Variants in PDGFC observed in about 807,000 individuals in gnomAD.
The protein encoded by PDGFC is platelet derived growth factor C.
Under a neutral mutation model 35.5 loss-of-function variants are expected in PDGFC, and 12 were observed. The ratio of observed to expected loss-of-function variants is 0.34; its 90% confidence interval spans 0.22 to 0.55. The LOEUF (loss-of-function observed/expected upper bound fraction) is 0.55, where lower values mean the gene tolerates loss of function less well. PDGFC is among the 20% of genes least tolerant of loss of function. PDGFC has a pLI of 0.91. For missense variants in PDGFC, 322 were observed against 412.4 expected, an observed-to-expected ratio of 0.78 and a Z score of 1.90; for synonymous variants, 159 against 148.8, an observed-to-expected ratio of 1.07 and a Z score of -0.50.
At chr4:156,775,223 A>G (rs1363805159) in intron 3 of PDGFC, among the ~76,000 whole-genome samples, 2 of 152,200 alleles carry the variant, frequency 1.3e-5, no homozygotes, top group Non-Finnish European at 1.5e-5. Context: ...TTAAGCTACT[A>G]TTGATTAAAT....
chr4:156,816,997 C>G (rs181247142), intron 2 of PDGFC, among the ~76,000 whole-genome samples: 12 of 152,244 alleles, frequency 7.9e-5, no homozygotes, highest in Admixed American at 2.6e-4. Flanking sequence ...TTTAACCCTA[C>G]TTGGAAATGT....
At position 156,770,150 on chromosome 4, in the gene PDGFC, TTTAAC is replaced by T. The variant is rs1730655011; in HGVS notation, c.704-2165_704-2161del. 2.6e-5 allele frequency: 4 copies of T among 152,182 alleles called. No individual in the cohort carries two copies. In the Middle Eastern group the frequency reaches 0.014, roughly 518 times the overall value. 9.4% of individuals were successfully genotyped at this position (152,182 alleles called of 1,614,324 possible). On this transcript the variant is annotated intron_variant, in intron 4 of 5. Transcript: ENST00000502773. Reference sequence around the variant, plus strand: ...TACAATGTGAAAATTTAAACACACTTTTAACTTAGCTTCCACTCATTTATCATGTT... The same window carrying T: ...TACAATGTGAAAATTTAAACACACTTTTAGCTTCCACTCATTTATCATGTT...
intron 2 of PDGFC, 36 bp from the exon 3 acceptor site, chr4:156,811,053 T>A: frequency 7.2e-7 from 1 of 1,384,994 alleles, no homozygotes; most frequent in Non-Finnish European, 9.9e-7. Flanking sequence ...CATCATTTCA[T>A]AATCTGTTAT....
At chr4:156,834,547 G>T (rs188122038) in intron 2 of PDGFC, among the ~76,000 whole-genome samples, 1 of 152,268 alleles carries the variant, frequency 6.6e-6, no homozygotes, top group African/African-American at 2.4e-5. Flanking sequence ...CAGATAGAAA[G>T]GTCAAGAAGT....
At chr4:156,900,944 G>A (rs1053107819) in intron 1 of PDGFC, among the ~76,000 whole-genome samples, 4 of 144,798 alleles carry the variant, frequency 2.8e-5, no homozygotes, top group Non-Finnish European at 6.1e-5. Flanking sequence ...AGGGAGGGAG[G>A]GAGGAAGTGA....
chr4:156,868,904 A>G (rs1729911022), intron 1 of PDGFC, among the ~76,000 whole-genome samples: 1 of 152,158 alleles, frequency 6.6e-6, no homozygotes. Flanking sequence ...ATCTATAGCA[A>G]TAGCTCAGAA....
At position 156,971,611 on chromosome 4, in the gene PDGFC, T is replaced by G. The variant is rs2111001469; in HGVS notation, c.-708A>C. On this transcript the variant is annotated 5_prime_UTR_variant, in exon 1 of 6. Transcript: ENST00000502773. Reference sequence around the variant, plus strand: ...GGGTTCGGAGCGCCGCAGCACGGATTCCGGCACCTGGCTTGAGTTTTCCGC... The same window carrying G: ...GGGTTCGGAGCGCCGCAGCACGGATGCCGGCACCTGGCTTGAGTTTTCCGC... 6.6e-6 allele frequency among the ~76,000 whole-genome samples: 1 copy of G among 151,616 alleles called. No individual in the cohort carries two copies. Among genetic ancestry groups the G allele is most frequent in the South Asian group, 2.1e-4 (1 of 4,812 alleles).
chr4:156,827,861 C>T lies in PDGFC; in HGVS notation c.315-16844G>A, dbSNP rs183855302. On this transcript the variant is annotated intron_variant, in intron 2 of 5. Transcript: ENST00000502773. ...CCAATCCATGGCAACCAACTATAAA[C>T]ACCAGTATATGATGAGGTCCTCAAA... is the stretch of plus-strand genomic sequence containing the variant. 2.6e-5 allele frequency among the ~76,000 whole-genome samples: 4 copies of T among 152,268 alleles called. No individual in the cohort carries two copies. In the East Asian group the frequency reaches 7.7e-4, roughly 29 times the overall value.
intron 2 of PDGFC, among the ~76,000 whole-genome samples, chr4:156,843,296 G>A (rs1388888162): frequency 6.6e-6 from 1 of 152,162 alleles, no homozygotes; most frequent in Non-Finnish European, 1.5e-5. Flanking sequence ...ATCTGCTGGT[G>A]CCTTGATCTT....
intron 1 of PDGFC, among the ~76,000 whole-genome samples, chr4:156,903,519 A>G (rs914454068): frequency 9.9e-5 from 15 of 152,082 alleles, no homozygotes; most frequent in Non-Finnish European, 2.2e-4. Context: ...GGTTTCCCCT[A>G]TGAAAATTAG....
rs151310712 is a variant in PDGFC at position 156,777,196 on chromosome 4, A to T, written c.496-4303T>A. Among the ~76,000 whole-genome samples the T allele has an allele frequency of 2.0e-5, 3 of 152,288 alleles. No homozygotes were observed. The East Asian group carries it at 5.8e-4, about 29-fold the overall frequency. Reference sequence around the variant, plus strand: ...TTTACCCTGCTCTTTAAGACATCAAATATCCTAGAAAGGCATGTCTGGCTT... The same window carrying T: ...TTTACCCTGCTCTTTAAGACATCAATTATCCTAGAAAGGCATGTCTGGCTT... On this transcript the variant is annotated intron_variant, in intron 3 of 5. Transcript: ENST00000502773.
chr4:156,855,985 A>G (rs1412490013), intron 1 of PDGFC, among the ~76,000 whole-genome samples: 1 of 152,160 alleles, frequency 6.6e-6, no homozygotes, highest in African/African-American at 2.4e-5. Context: ...ATCTCTCTCC[A>G]TCAATTGCAA....
intron 3 of PDGFC, among the ~76,000 whole-genome samples, chr4:156,778,762 T>C (rs959813309): frequency 2.0e-5 from 3 of 152,276 alleles, no homozygotes; most frequent in African/African-American, 7.2e-5. Context: ...CTTGGACAAA[T>C]ACACACATAT....
chr4:156,936,388 A>G (rs1464080998), intron 1 of PDGFC, among the ~76,000 whole-genome samples: 1 of 152,066 alleles, frequency 6.6e-6, no homozygotes, highest in Non-Finnish European at 1.5e-5. Context: ...CCACCTCTCA[A>G]CTCATTCCTA....
rs555640312 is a variant in PDGFC at position 156,765,637 on chromosome 4, T to A, written c.921+2136A>T. On this transcript the variant is annotated intron_variant, in intron 5 of 5. Transcript: ENST00000502773. ...TGTAAGACTATTATTTCATAAAAAATTAAATATGTAAAAATATAAACAAGA... is the reference window on the plus strand; with the variant it reads ...TGTAAGACTATTATTTCATAAAAAAATAAATATGTAAAAATATAAACAAGA... Among the ~76,000 whole-genome samples the A allele has an allele frequency of 2.1e-4, 32 of 152,204 alleles. No homozygotes were observed. The South Asian group carries it at 6.2e-3, about 30-fold the overall frequency.
chr4:156,949,648 G>T (rs908591617), intron 1 of PDGFC, among the ~76,000 whole-genome samples: 1 of 151,846 alleles, frequency 6.6e-6, no homozygotes, highest in Non-Finnish European at 1.5e-5. Context: ...GTTTGAAAAG[G>T]AATTTCTTCC....
chr4:156,803,817 T>G (rs542194030), intron 3 of PDGFC, among the ~76,000 whole-genome samples: 1 of 152,278 alleles, frequency 6.6e-6, no homozygotes, highest in African/African-American at 2.4e-5. Flanking sequence ...ACTAACAGTA[T>G]CTAACATTGT....
At chr4:156,896,676 AAAT>A (rs1730639789) in intron 1 of PDGFC, among the ~76,000 whole-genome samples, 1 of 152,206 alleles carries the variant, frequency 6.6e-6, no homozygotes, top group Admixed American at 6.5e-5. Flanking sequence ...TAAGAGGTGA[AAAT>A]AGAGAGGAAA....
intron 3 of PDGFC, among the ~76,000 whole-genome samples, chr4:156,802,673 C>T (rs953712749): frequency 6.6e-6 from 1 of 152,014 alleles, no homozygotes; most frequent in African/African-American, 2.4e-5. Flanking sequence ...TAGTTCAGAA[C>T]ATTGGTAACC....
Sources: gnomAD v4.1 joint callset for allele counts (sites outside exome capture counted in the v4.1 genomes callset) on GRCh38, gnomAD v4.1.1 for gene constraint, MANE v1.5 for transcripts, NCBI Gene and HGNC (gene_info 2026-07-23, HGNC 2026-07-21) for gene names.